ACOT12: variants seen among roughly 807,000 people sequenced by gnomAD.
ACOT12 encodes the protein acetyl-coenzyme A thioesterase.
A neutral mutation model predicts 67.7 loss-of-function variants in ACOT12; 51 were observed. That is an observed-to-expected ratio of 0.75 (90% CI 0.60 to 0.95). The LOEUF is 0.95. Ranked by LOEUF, ACOT12 falls within the 40% of genes least tolerant of loss-of-function variation. The pLI is 0.00. For synonymous variants in ACOT12, 251 were observed against 244.6 expected (o/e 1.03, Z -0.24); for missense variants, 734 against 708.1 (o/e 1.04, Z -0.41).
At chr5:81,344,094 G>T in intron 9 of ACOT12, 66 bp downstream of exon 9, 1 of 1,524,668 alleles carries the variant, frequency 6.6e-7, no homozygotes, top group Non-Finnish European at 9.0e-7. Flanking sequence ...ACCCAGAGGG[G>T]GGCTCTTATA....
In ACOT12 at chr5:81,371,792, G is replaced by T; in HGVS notation, c.216C>A (p.Thr72=). 1 of 1,614,014 alleles carries T rather than the reference G, an allele frequency of 6.2e-7. No individual in the cohort carries two copies. The highest frequency in any genetic ancestry group is 8.5e-7 in the Non-Finnish European group (1 of 1,179,964). The change falls in exon 3 of 15, where the codon ACC becomes ACA. Residue 72 remains threonine, a synonymous_variant. Coordinates refer to ENST00000307624, the MANE Select transcript of ACOT12 (RefSeq NM_130767.3). ...EETARVGQVI[T]IKAKVTRAFS... is the part of the protein sequence containing the mutation. ...ATGCTCTAGTAACTTTTGCTTTGAT[G>T]GTTATAACTTGTCCAACTCTAGGGA... is the stretch of plus-strand genomic sequence containing the variant.
rs778944434 is a variant in ACOT12 at position 81,332,585 on chromosome 5, C to T, written c.1283G>A (p.Trp428Ter). Residue 428 changes from tryptophan (W) to a stop codon, truncating the protein, a stop_gained, in exon 13 of 15, where the codon TGG (tryptophan) becomes TAG (stop). Transcript: ENST00000307624. LOFTEE classifies it high-confidence loss of function. ...PHFVSCEVID[W>*]VSEDDQLYHI... ...ATACAGCTGATCATCTTCACTCACC[C>T]AGTCTATGACTTCACAGGACCTGTG... 2 of 1,614,066 alleles carry T rather than the reference C, an allele frequency of 1.2e-6. No individual in the cohort carries two copies. Among genetic ancestry groups the T allele is most frequent in the African/African-American group, 1.3e-5 (1 of 75,036 alleles).
chr5:81,385,856 T>G (rs1479174837), intron 1 of ACOT12, 30 bp from the exon 2 acceptor site: 1 of 1,596,540 alleles, frequency 6.3e-7, no homozygotes, highest in African/African-American at 1.3e-5. Context: ...ATGTGCTGCT[T>G]TAGTGGTGAT....
At chr5:81,328,225 C>T (rs529874337), downstream of ACOT12, among the ~76,000 whole-genome samples, 51 of 152,258 alleles carry the variant, frequency 3.3e-4, 1 homozygote, top group South Asian at 9.1e-3. Flanking sequence ...CACTGACCAC[C>T]CTACTTAAAA....
At chr5:81,315,137 A>G in the ACOT12 span, among the ~76,000 whole-genome samples, 3 of 152,164 alleles carry the variant, frequency 2.0e-5, no homozygotes, top group East Asian at 1.9e-4. Context: ...TGCCTCCTGA[A>G]TGTTCCTACT....
chr5:81,384,564 C>G (rs951020051), intron 2 of ACOT12, among the ~76,000 whole-genome samples: 2 of 152,170 alleles, frequency 1.3e-5, no homozygotes, highest in Non-Finnish European at 2.9e-5. Flanking sequence ...CAGTAACAGG[C>G]TGCACAAGTT....
At chr5:81,371,234 A>C (rs1760238942) in intron 3 of ACOT12, among the ~76,000 whole-genome samples, 1 of 152,030 alleles carries the variant, frequency 6.6e-6, no homozygotes, top group Non-Finnish European at 1.5e-5. Context: ...TATCATGTTT[A>C]AATGTGTTGG....
chr5:81,364,517 T>C (rs917916981), intron 3 of ACOT12, among the ~76,000 whole-genome samples: 2 of 152,022 alleles, frequency 1.3e-5, no homozygotes, highest in Non-Finnish European at 2.9e-5. Flanking sequence ...AACCTCCACC[T>C]CCCGGGTTCA....
At chr5:81,363,254 G>C (rs773525867) in intron 4 of ACOT12, among the ~76,000 whole-genome samples, 1 of 152,124 alleles carries the variant, frequency 6.6e-6, no homozygotes, top group Non-Finnish European at 1.5e-5. Context: ...AGCCGGCTAG[G>C]CAAGCTCATC....
chr5:81,359,598 T>C (rs769996171), intron 5 of ACOT12, among the ~76,000 whole-genome samples: 11 of 152,218 alleles, frequency 7.2e-5, no homozygotes, highest in Non-Finnish European at 1.5e-4. Context: ...TGTATGGCAT[T>C]GTCATCAACC....
chr5:81,320,420 AAAACTTGTTGCC>A, the ACOT12 span, among the ~76,000 whole-genome samples: 2 of 152,242 alleles, frequency 1.3e-5, no homozygotes, highest in Non-Finnish European at 2.9e-5. Context: ...AGACAGGAAG[AAAACTTGTTGCC>A]TGTCTCCACT....
Position 81,354,744 on chromosome 5 carries a change from C to T in ACOT12, c.496+5159G>A, listed in dbSNP as rs189857782. Reference sequence around the variant, plus strand: ...TTTGAGTCAGAATCTGGCTCTGTGGCCTAGGCTGGACTGCAGTGGTGCAAT... The same window carrying T: ...TTTGAGTCAGAATCTGGCTCTGTGGTCTAGGCTGGACTGCAGTGGTGCAAT... On this transcript the variant is annotated intron_variant, in intron 5 of 14. Coordinates refer to ENST00000307624, the MANE Select transcript of ACOT12 (RefSeq NM_130767.3). Among the ~76,000 whole-genome samples the T allele has an allele frequency of 1.0e-3, 155 of 151,642 alleles. 1 individual carries two copies. Among genetic ancestry groups the T allele is most frequent in the African/African-American group, 3.6e-3 (148 of 41,284 alleles).
At chr5:81,358,454 A>T (rs1759793084) in intron 5 of ACOT12, among the ~76,000 whole-genome samples, 1 of 152,204 alleles carries the variant, frequency 6.6e-6, no homozygotes, top group South Asian at 2.1e-4. Flanking sequence ...CTTGAGCAAC[A>T]TGCATTTGAA....
At chr5:81,345,183 T>G in intron 7 of ACOT12, 142 bp from the exon 8 acceptor site, 1 of 1,149,248 alleles carries the variant, frequency 8.7e-7, no homozygotes, top group Non-Finnish European at 1.2e-6. Flanking sequence ...TCTTGTTTGT[T>G]ATCAGCAAAC....
chr5:81,326,397 T>G (rs1285327311), downstream of ACOT12, among the ~76,000 whole-genome samples: 1 of 152,154 alleles, frequency 6.6e-6, no homozygotes, highest in African/African-American at 2.4e-5. Flanking sequence ...GTGTTGGGAT[T>G]ACATTCATGA....
intron 11 of ACOT12, among the ~76,000 whole-genome samples, chr5:81,342,008 A>T (rs1759210640): frequency 6.6e-6 from 1 of 151,250 alleles, no homozygotes; most frequent in African/African-American, 2.5e-5. Flanking sequence ...TATTTTTTTT[A>T]GAGACAGAGT....
downstream of ACOT12, among the ~76,000 whole-genome samples, chr5:81,327,009 T>C (rs1264001064): frequency 1.3e-5 from 2 of 152,204 alleles, no homozygotes; most frequent in East Asian, 3.9e-4. Flanking sequence ...TTTCAACATA[T>C]ATTTTCTTTT....
intron 1 of ACOT12, among the ~76,000 whole-genome samples, chr5:81,386,253 C>A (rs894126948): frequency 1.3e-5 from 2 of 152,292 alleles, no homozygotes; most frequent in Non-Finnish European, 2.9e-5. Context: ...ATTTAACCAC[C>A]GTAAGCACTT....
At chr5:81,392,455 T>C (rs1760891116) in intron 1 of ACOT12, among the ~76,000 whole-genome samples, 1 of 152,174 alleles carries the variant, frequency 6.6e-6, no homozygotes, top group African/African-American at 2.4e-5. Flanking sequence ...AATGTAACTA[T>C]TAAGGTATAG....
Sources: gnomAD v4.1 joint callset for allele counts (sites outside exome capture counted in the v4.1 genomes callset) on GRCh38, gnomAD v4.1.1 for gene constraint, MANE v1.5 for transcripts, NCBI Gene and HGNC (gene_info 2026-07-23, HGNC 2026-07-21) for gene names.